Variants in POU2F1 observed in about 807,000 individuals in gnomAD.
POU2F1 encodes POU domain, class 2, transcription factor 1.
Under a neutral mutation model 84.9 loss-of-function variants are expected in POU2F1, and 16 were observed. The ratio of observed to expected loss-of-function variants is 0.19; its 90% CI spans 0.13 to 0.29. The LOEUF is 0.29. POU2F1 is among the 10% of genes least tolerant of loss of function. The pLI is 1.00. For synonymous variants in POU2F1, 368 were observed against 368.3 expected (o/e 1.00, Z 0.01); for missense variants, 738 against 942.6 (o/e 0.78, Z 2.84).
Position 167,374,182 on chromosome 1 carries a change from A to G in POU2F1, c.477A>G (p.Ala159=). ...CACAGGCACAGCTGCTGGCTGCTGC[A>G]GTGCAGCAGCACTCCGCCAGCCAGC... The part of the protein sequence containing the change: ...AQAQAQLLAA[A]VQQHSASQQH... Residue 159 remains alanine, a synonymous_variant, in exon 6 of 16, where the codon GCA becomes GCG. Coordinates refer to ENST00000367866, the MANE Select transcript of POU2F1 (RefSeq NM_002697.4). 3 of 1,613,918 alleles carry G rather than the reference A, an allele frequency of 1.9e-6. No individual in the cohort carries two copies. The highest frequency in any genetic ancestry group is 1.1e-5 in the South Asian group (1 of 91,070).
chr1:167,329,193 ATAG>A, intron 1 of POU2F1: 1 of 1,520,204 alleles, frequency 6.6e-7, no homozygotes. Flanking sequence ...TTTGTTAGAA[ATAG>A]TAGTACCTTC....
intron 2 of POU2F1, among the ~76,000 whole-genome samples, chr1:167,352,522 G>A (rs1029029777): frequency 6.6e-6 from 1 of 152,204 alleles, no homozygotes; most frequent in Admixed American, 6.5e-5. Context: ...TTGGGAGAGA[G>A]TTGAGGCAGG....
intron 1 of POU2F1, among the ~76,000 whole-genome samples, chr1:167,243,670 T>G (rs1222432816): frequency 6.6e-6 from 1 of 152,106 alleles, no homozygotes; most frequent in African/African-American, 2.4e-5. Context: ...GAGATGGGGT[T>G]TTGCCATGTT....
chr1:167,231,950 G>A (rs1046097704), intron 1 of POU2F1, among the ~76,000 whole-genome samples: 58 of 152,124 alleles, frequency 3.8e-4, no homozygotes, highest in African/African-American at 1.3e-3. Context: ...ATACACAGGG[G>A]CATACCACAA....
At chr1:167,360,143 T>C (rs1659259240) in intron 2 of POU2F1, among the ~76,000 whole-genome samples, 1 of 152,176 alleles carries the variant, frequency 6.6e-6, no homozygotes, top group African/African-American at 2.4e-5. Context: ...ATAGTTTCTT[T>C]TGATAGTTGG....
intron 1 of POU2F1, chr1:167,319,078 G>A (rs1656126571): frequency 1.3e-5 from 2 of 153,340 alleles, no homozygotes; most frequent in Admixed American, 6.5e-5. Context: ...TATTTGACGG[G>A]TGTTGCTCAT....
chr1:167,221,588 C>T (rs1199657495), intron 1 of POU2F1, among the ~76,000 whole-genome samples: 1 of 150,238 alleles, frequency 6.7e-6, no homozygotes, highest in Non-Finnish European at 1.5e-5. Context: ...TGGGGGGCGG[C>T]CCTCAGGGCA....
rs1305286939 is a variant in POU2F1 at position 167,421,975 on chromosome 1, G to GT, written c.*6171dup. On this transcript the variant is annotated 3_prime_UTR_variant, in exon 16 of 16. Transcript: ENST00000367866. ...GAAAACATTGCTCGTGTGTGTGTTT[G>GT]TTTTTTCTTATATCTGTCTTGCCAA... 6.6e-6 allele frequency: 1 copy of GT among 152,156 alleles called. No individual in the cohort carries two copies. The highest frequency in any genetic ancestry group is 1.9e-4 in the East Asian group (1 of 5,186). 9.4% of individuals were successfully genotyped at this position (152,156 alleles called of 1,614,324 possible).
At chr1:167,259,215 G>A (rs1426681566) in intron 1 of POU2F1, among the ~76,000 whole-genome samples, 2 of 152,226 alleles carry the variant, frequency 1.3e-5, no homozygotes, top group Non-Finnish European at 1.5e-5. Context: ...AAACGAGGGA[G>A]TGGAAGTATA....
At chr1:167,389,507 T>C in intron 8 of POU2F1, 81 bp from the exon 9 acceptor site, 1 of 1,494,544 alleles carries the variant, frequency 6.7e-7, no homozygotes, top group South Asian at 1.2e-5. Context: ...AATGTGGCTC[T>C]TTCCTTCAGT....
At chr1:167,289,576 A>G (rs1367053226) in intron 1 of POU2F1, among the ~76,000 whole-genome samples, 2 of 152,208 alleles carry the variant, frequency 1.3e-5, no homozygotes, top group Non-Finnish European at 2.9e-5. Flanking sequence ...TTTGGTGTAC[A>G]TTTACATGGT....
At chr1:167,252,163 C>T (rs1378457846) in intron 1 of POU2F1, among the ~76,000 whole-genome samples, 1 of 152,020 alleles carries the variant, frequency 6.6e-6, no homozygotes, top group African/African-American at 2.4e-5. Flanking sequence ...CTGCAAGTCT[C>T]TTCTTCATAT....
At chr1:167,283,909 C>T (rs188510122) in intron 1 of POU2F1, among the ~76,000 whole-genome samples, 81 of 152,242 alleles carry the variant, frequency 5.3e-4, no homozygotes, top group African/African-American at 1.8e-3. Context: ...AATTTTGTTC[C>T]TTATCCCTAC....
chr1:167,281,633 A>C (rs1653147007), intron 1 of POU2F1, among the ~76,000 whole-genome samples: 1 of 152,196 alleles, frequency 6.6e-6, no homozygotes, highest in African/African-American at 2.4e-5. Context: ...CAAACAGTTG[A>C]CTACATTTGA....
intron 1 of POU2F1, among the ~76,000 whole-genome samples, chr1:167,249,686 G>T (rs2102400285): frequency 6.6e-6 from 1 of 152,334 alleles, no homozygotes; most frequent in Admixed American, 6.5e-5. Flanking sequence ...TTTAATGGGA[G>T]TAAAAGAGCC....
At chr1:167,349,332 A>G (rs1041905596) in intron 2 of POU2F1, among the ~76,000 whole-genome samples, 4 of 151,988 alleles carry the variant, frequency 2.6e-5, no homozygotes, top group Admixed American at 2.0e-4. Flanking sequence ...TCCACATTGT[A>G]TATATATTTT....
At chr1:167,374,053 A>G in intron 5 of POU2F1, 55 bp from the exon 6 acceptor site, 1 of 1,560,564 alleles carries the variant, frequency 6.4e-7, no homozygotes, top group Non-Finnish European at 8.8e-7. Context: ...GTTGGCTTGC[A>G]TTAGGAGACT....
chr1:167,410,960 A>T (rs1649919525), intron 13 of POU2F1, among the ~76,000 whole-genome samples: 1 of 152,176 alleles, frequency 6.6e-6, no homozygotes, highest in Non-Finnish European at 1.5e-5. Context: ...AATGTCAGTT[A>T]GTCATTTATA....
intron 1 of POU2F1, among the ~76,000 whole-genome samples, chr1:167,323,468 G>A (rs1376038265): frequency 6.6e-6 from 1 of 152,112 alleles, no homozygotes; most frequent in Non-Finnish European, 1.5e-5. Context: ...ATTTCAAACC[G>A]CTTTCTGGTG....
Sources: gnomAD v4.1 joint callset for allele counts (sites outside exome capture counted in the v4.1 genomes callset) on GRCh38, gnomAD v4.1.1 for gene constraint, MANE v1.5 for transcripts, NCBI Gene and HGNC (gene_info 2026-07-23, HGNC 2026-07-21) for gene names.